The following SSR4 variants were observed in gnomAD, a reference collection of about 807,000 sequenced individuals.
SSR4 encodes translocon-associated protein subunit delta.
For synonymous variants in SSR4, 84 were observed against 65.6 expected, an observed-to-expected ratio of 1.28 and a Z score of -1.35; for missense variants, 125 against 148.8, an observed-to-expected ratio of 0.84 and a Z score of 0.83.
intron 1 of SSR4, 141 bp from the exon 2 acceptor site, chrX:153,796,293 C>G: frequency 2.1e-6 from 1 of 468,883 alleles, no homozygotes; most frequent in East Asian, 3.6e-5. Flanking sequence ...GGATCTGTCT[C>G]GCATATCCCA....
At chrX:153,795,673 C>T (rs1224567931) in intron 1 of SSR4, 2 of 754,898 alleles carry the variant, frequency 2.6e-6, no homozygotes, top group Non-Finnish European at 1.6e-6. Flanking sequence ...GGATCTGCCT[C>T]CTGTGGTCCA....
At chrX:153,794,629 C>G (rs1557071663), upstream of SSR4, 16 of 1,209,416 alleles carry the variant, frequency 1.3e-5, no homozygotes, top group Non-Finnish European at 1.8e-5. Context: ...CGCTCTTCCT[C>G]GTTTGCCCCT....
At chrX:153,794,830 G>GGGGGTCCGGCCTTTC in intron 1 of SSR4, 76 bp downstream of exon 1, 1 of 1,112,133 alleles carries the variant, frequency 9.0e-7, no homozygotes, top group Non-Finnish European at 1.2e-6. Flanking sequence ...GGAGGGATGC[G>GGGGGTCCGGCCTTTC]GGGGTCCGGC....
At chrX:153,796,376 C>T in intron 1 of SSR4, 58 bp from the exon 2 acceptor site, 2 of 896,159 alleles carry the variant, frequency 2.2e-6, no homozygotes, top group Non-Finnish European at 3.3e-6. Flanking sequence ...GCCATCCTGC[C>T]CTCAGACCGG....
intron 1 of SSR4, 139 bp downstream of exon 1, chrX:153,794,893 TTG>T: frequency 1.3e-6 from 1 of 756,416 alleles, no homozygotes; most frequent in Non-Finnish European, 1.9e-6. Flanking sequence ...GCAGGCGGCC[TTG>T]GGACGGGGGG....
chrX:153,797,331 C>T (rs2092147674), intron 2 of SSR4, 127 bp from the exon 3 acceptor site: 1 of 555,305 alleles, frequency 1.8e-6, no homozygotes, highest in Non-Finnish European at 3.1e-6. Flanking sequence ...TACCTCCTGC[C>T]AGGGACACTG....
chrX:153,797,170 T>C (rs2092146705), intron 2 of SSR4: 1 of 348,342 alleles, frequency 2.9e-6, no homozygotes, highest in South Asian at 4.7e-5. Flanking sequence ...ACTCAGGAAA[T>C]CACTCAGCCC....
At chrX:153,796,363 C>T (rs1201787151) in intron 1 of SSR4, 71 bp from the exon 2 acceptor site, 6 of 766,334 alleles carry the variant, frequency 7.8e-6, no homozygotes, top group Admixed American at 4.5e-5. Flanking sequence ...GAGGCAGGGC[C>T]GGGCCATCCT....
At position 153,797,802 on chromosome X, in the gene SSR4, C is replaced by T. The variant is rs2092151171; in HGVS notation, c.339C>T (p.Ser113=). The change falls in exon 4 of 6, where the codon AGC becomes AGT. Residue 113 remains serine, a synonymous_variant. Transcript: ENST00000370086. The part of the protein sequence containing the change: ...EVRFFDEESY[S]LLRKAQRNNE... ...GATTCTTCGACGAGGAGTCCTACAG[C>T]CTCCTCAGGAAGGTGAGGACTCCTG... 2.5e-6 allele frequency: 3 copies of T among 1,201,187 alleles called. No individual in the cohort carries two copies. The highest frequency in any genetic ancestry group is 1.8e-5 in the South Asian group (1 of 55,927).
chrX:153,798,184 A>G (rs2092154501), intron 5 of SSR4, 48 bp downstream of exon 5: 1 of 1,178,571 alleles, frequency 8.5e-7, no homozygotes. Context: ...GGGCTGAGTG[A>G]AGGTTATCCT....
At chrX:153,798,000 T>TCCCCCCCCCCCC in intron 4 of SSR4, 71 bp from the exon 5 acceptor site, 1 of 704,003 alleles carries the variant, frequency 1.4e-6, no homozygotes, top group Admixed American at 2.3e-5. Context: ...TACCTGTCTT[T>TCCCCCCCCCCCC]CCCCTCCCCT....
At chrX:153,798,038 G>C in intron 4 of SSR4, 33 bp from the exon 5 acceptor site, 2 of 889,201 alleles carry the variant, frequency 2.2e-6, no homozygotes, top group Non-Finnish European at 3.0e-6. Flanking sequence ...AGGCACCCCT[G>C]ACCCCAGCAC....
upstream of SSR4, chrX:153,794,186 G>A (rs782216521): frequency 1.5e-5 from 17 of 1,116,460 alleles, no homozygotes; most frequent in Admixed American, 3.6e-4. Flanking sequence ...CTTCGGGTGC[G>A]GCTACCCCAC....
At chrX:153,797,596 G>A (rs2092149404) in intron 3 of SSR4, 64 bp downstream of exon 3, 1 of 1,144,120 alleles carries the variant, frequency 8.7e-7, no homozygotes, top group African/African-American at 1.8e-5. Flanking sequence ...TGAAGCCCCA[G>A]GGGTGGCCGG....
At chrX:153,795,606 G>A in intron 1 of SSR4, 1 of 734,842 alleles carries the variant, frequency 1.4e-6, no homozygotes, top group Non-Finnish European at 1.6e-6. Context: ...ACTTAGGCAG[G>A]ACACAGAAGG....
chrX:153,794,351 G>T (rs1557071436), upstream of SSR4: 2 of 1,183,337 alleles, frequency 1.7e-6, no homozygotes, highest in East Asian at 6.1e-5. Context: ...GCCTCCGCAC[G>T]TCCCGACACG....
chrX:153,796,371 C>A, intron 1 of SSR4, 63 bp from the exon 2 acceptor site: 1 of 851,305 alleles, frequency 1.2e-6, no homozygotes, highest in Non-Finnish European at 1.7e-6. Flanking sequence ...GCCGGGCCAT[C>A]CTGCCCTCAG....
In SSR4 at chrX:153,797,445, T is replaced by C; in HGVS notation, c.187-13T>C. ...GGGGCAGAAGGTGACCCTGCCTTTGTTCCCTCACCCAGAACATGGCTCTCT... is the reference window on the plus strand; with the variant it reads ...GGGGCAGAAGGTGACCCTGCCTTTGCTCCCTCACCCAGAACATGGCTCTCT... On this transcript the variant is annotated splice_polypyrimidine_tract_variant and intron_variant, in intron 2 of 5. Coordinates refer to ENST00000370086, the MANE Select transcript of SSR4 (RefSeq NM_006280.3). The C allele has an allele frequency of 8.3e-7, 1 of 1,206,430 alleles. No individual in the cohort carries two copies. Among genetic ancestry groups the C allele is most frequent in the Non-Finnish European group, 1.1e-6 (1 of 890,595 alleles).
At chrX:153,797,155 T>C in intron 2 of SSR4, 1 of 348,252 alleles carries the variant, frequency 2.9e-6, no homozygotes, top group Non-Finnish European at 5.1e-6. Context: ...GCACCTCCCT[T>C]GTAGACTCAG....
Sources: allele counts gnomAD v4.1 joint callset, GRCh38; gene constraint gnomAD v4.1.1; transcripts MANE v1.5; gene names NCBI Gene and HGNC (gene_info 2026-07-23, HGNC 2026-07-21).